Variants in COL4A1 observed in about 807,000 individuals in gnomAD.
The protein encoded by COL4A1 is collagen type IV alpha 1 chain.
COL4A1 carries 40 observed loss-of-function variants against 216.6 expected under a neutral mutation model. The ratio of observed to expected loss-of-function variants is 0.18; its 90% confidence interval spans 0.14 to 0.24. The LOEUF (loss-of-function observed/expected upper bound fraction) is 0.24, where lower values mean the gene tolerates loss of function less well. Ranked by LOEUF, COL4A1 falls within the 10% of genes least tolerant of loss-of-function variation. The probability of loss-of-function intolerance (pLI) is 1.00; values close to 1 mark genes in which losing one functional copy is unlikely to be tolerated. For synonymous variants in COL4A1, 839 were observed against 810.7 expected (o/e 1.03, Z -0.59); for missense variants, 1,628 against 2,196.8 (o/e 0.74, Z 5.18).
intron 1 of COL4A1, among the ~76,000 whole-genome samples, chr13:110,261,264 C>G (rs2139277573): frequency 6.6e-6 from 1 of 152,316 alleles, no homozygotes; most frequent in African/African-American, 2.4e-5. Flanking sequence ...CCCCCCGACC[C>G]ATCACAACTT....
chr13:110,293,327 T>A (rs1215381520), intron 1 of COL4A1, among the ~76,000 whole-genome samples: 2 of 152,100 alleles, frequency 1.3e-5, no homozygotes, highest in East Asian at 3.9e-4. Context: ...GTCAGTAAAA[T>A]GTTGTAGAGG....
Position 110,192,925 on chromosome 13 carries a change from A to G in COL4A1, c.1382-12T>C, listed in dbSNP as rs780007998. On this transcript the variant is annotated splice_polypyrimidine_tract_variant and intron_variant, in intron 22 of 51. Transcript: ENST00000375820. ...CTCTCCTTTTTGACCTAAAAAAGAA[A>G]ACACAAAGGTGCTTACGTGTAACAT... 6.2e-7 allele frequency: 1 copy of G among 1,613,236 alleles called. No individual in the cohort carries two copies. The highest frequency in any genetic ancestry group is 8.5e-7 in the Non-Finnish European group (1 of 1,179,130).
At chr13:110,171,699 G>A (rs967332599) in intron 41 of COL4A1, among the ~76,000 whole-genome samples, 1 of 152,222 alleles carries the variant, frequency 6.6e-6, no homozygotes, top group African/African-American at 2.4e-5. Flanking sequence ...ACAGCAATGA[G>A]TGGAAAACGC....
intron 49 of COL4A1, among the ~76,000 whole-genome samples, chr13:110,156,870 G>GTGTC (rs981266253): frequency 1.3e-5 from 2 of 152,176 alleles, no homozygotes; most frequent in African/African-American, 2.4e-5. Context: ...ACTTGTGTGT[G>GTGTC]TGTCTGTCTG....
intron 1 of COL4A1, among the ~76,000 whole-genome samples, chr13:110,295,920 C>A (rs1451856801): frequency 6.6e-6 from 1 of 152,262 alleles, no homozygotes; most frequent in Non-Finnish European, 1.5e-5. Flanking sequence ...GGTGCGCTTT[C>A]TAGCGGGGAG....
chr13:110,296,300 T>C (rs534947279), intron 1 of COL4A1, among the ~76,000 whole-genome samples: 2 of 152,354 alleles, frequency 1.3e-5, no homozygotes, highest in Non-Finnish European at 1.5e-5. Context: ...AGGGATAGAA[T>C]TGTGCCCTCA....
intron 33 of COL4A1, 111 bp from the exon 34 acceptor site, chr13:110,177,148 A>T: frequency 1.3e-6 from 2 of 1,544,588 alleles, no homozygotes; most frequent in Non-Finnish European, 8.7e-7. Context: ...GCTACAAAGC[A>T]CTCATAACTT....
chr13:110,193,708 G>A (rs574420626), intron 22 of COL4A1, among the ~76,000 whole-genome samples: 23 of 152,358 alleles, frequency 1.5e-4, no homozygotes, highest in Admixed American at 8.5e-4. Context: ...GCCCTGGGAT[G>A]CCCCTCAGTC....
intron 26 of COL4A1, among the ~76,000 whole-genome samples, chr13:110,186,005 A>G (rs960473949): frequency 2.0e-5 from 3 of 152,180 alleles, no homozygotes; most frequent in Admixed American, 2.0e-4. Context: ...AGAGGTGGAG[A>G]TCACACCACT....
At chr13:110,293,821 G>A (rs1326093298) in intron 1 of COL4A1, among the ~76,000 whole-genome samples, 1 of 152,188 alleles carries the variant, frequency 6.6e-6, no homozygotes, top group Non-Finnish European at 1.5e-5. Flanking sequence ...GATAATGTGG[G>A]ACATGCACTG....
At chr13:110,276,135 C>G (rs1883419011) in intron 1 of COL4A1, among the ~76,000 whole-genome samples, 1 of 151,930 alleles carries the variant, frequency 6.6e-6, no homozygotes. Context: ...ATGTAGAGAT[C>G]ATGGGAGAGG....
intron 1 of COL4A1, among the ~76,000 whole-genome samples, chr13:110,281,351 T>C (rs768343434): frequency 4.6e-5 from 7 of 152,214 alleles, no homozygotes; most frequent in South Asian, 2.1e-4. Flanking sequence ...TCTGTGCTCC[T>C]TGAAGGACAT....
At chr13:110,179,094 A>G in intron 30 of COL4A1, 58 bp from the exon 31 acceptor site, 1 of 1,554,244 alleles carries the variant, frequency 6.4e-7, no homozygotes, top group Non-Finnish European at 8.8e-7. Context: ...CTCCCGGCCT[A>G]GGAGACCCAT....
At chr13:110,287,922 G>A (rs1007260710) in intron 1 of COL4A1, among the ~76,000 whole-genome samples, 3 of 152,140 alleles carry the variant, frequency 2.0e-5, no homozygotes, top group Non-Finnish European at 2.9e-5. Context: ...TGTCTTTGGT[G>A]AGGAAACGCT....
Position 110,175,345 on chromosome 13 carries a change from T to C in COL4A1, c.3071A>G (p.Glu1024Gly), listed in dbSNP as rs1279513519. 1 of 1,614,108 alleles carries C rather than the reference T, an allele frequency of 6.2e-7. No homozygotes were observed. The highest frequency in any genetic ancestry group is 8.5e-7 in the Non-Finnish European group (1 of 1,180,048). The part of the protein sequence containing the change: ...GGMGLPGTPG[E>G]KGVPGIPGPQ... ...GCCAGGGATGCCAGGCACACCTTTCTCTCCAGGTGTTCCTATAAACACAAA... is the reference window on the plus strand; with the variant it reads ...GCCAGGGATGCCAGGCACACCTTTCCCTCCAGGTGTTCCTATAAACACAAA... The change falls in exon 37 of 52, where the codon GAG becomes GGG. Residue 1024 changes from glutamate to glycine, a missense_variant. Coordinates refer to ENST00000375820, the MANE Select transcript of COL4A1 (RefSeq NM_001845.6).
intron 1 of COL4A1, among the ~76,000 whole-genome samples, chr13:110,283,397 G>A (rs1293232634): frequency 1.3e-5 from 2 of 152,202 alleles, no homozygotes; most frequent in Non-Finnish European, 2.9e-5. Context: ...CTAATGTAGG[G>A]AGATGAGAAT....
In COL4A1 at chr13:110,178,938, G is replaced by T. The variant is rs1878013970; in HGVS notation, c.2443C>A (p.Pro815Thr). ...GARGPPGGQG[P>T]PGLSGPPGIK... ...TGTCACTCACCTGACAACCCCGGTG[G>T]TCCCTGTCCTCCAGGGGGACCCCTA... Residue 815 changes from proline (P) to threonine (T), a missense_variant, in exon 31 of 52, where the codon CCA becomes ACA. Physicochemically the swap from Pro to Thr is conservative, Grantham distance 38 (BLOSUM62 -1). Transcript: ENST00000375820. 6.2e-7 allele frequency: 1 copy of T among 1,611,636 alleles called. No homozygotes were observed. Among genetic ancestry groups the T allele is most frequent in the Admixed American group, 1.7e-5 (1 of 59,856 alleles).
chr13:110,258,539 CA>C (rs1055326817), intron 1 of COL4A1, among the ~76,000 whole-genome samples: 3 of 148,748 alleles, frequency 2.0e-5, no homozygotes, highest in East Asian at 2.0e-4. Context: ...GACTTCATCT[CA>C]AAAAAAAAGA....
chr13:110,171,721 T>G (rs146991377), intron 41 of COL4A1, among the ~76,000 whole-genome samples: 177 of 152,250 alleles, frequency 1.2e-3, no homozygotes, highest in African/African-American at 3.9e-3. Context: ...AGGTGCTGCG[T>G]AGAGTTTGTG....
Sources: allele counts gnomAD v4.1 joint callset (sites outside exome capture counted in the v4.1 genomes callset), GRCh38; gene constraint gnomAD v4.1.1; transcripts MANE v1.5; gene names NCBI Gene and HGNC (gene_info 2026-07-23, HGNC 2026-07-21).